Variants in ACSS3 observed in about 807,000 individuals in gnomAD.
ACSS3 encodes the protein acyl-CoA synthetase short-chain family member 3, mitochondrial.
In ACSS3, 64 loss-of-function variants were observed where a neutral mutation model predicts 84.2. The observed-to-expected ratio is 0.76, with a 90% confidence interval of 0.62 to 0.94. The LOEUF is 0.94. Ranked by LOEUF, ACSS3 falls within the 40% of genes least tolerant of loss-of-function variation. The probability of loss-of-function intolerance (pLI) is 0.00; values close to 1 mark genes in which losing one functional copy is unlikely to be tolerated. For missense variants in ACSS3, 815 were observed against 867.6 expected, an observed-to-expected ratio of 0.94 and a Z score of 0.76; for synonymous variants, 317 against 310.1, an observed-to-expected ratio of 1.02 and a Z score of -0.23.
chr12:81,213,985 TTCTTTCTTTCTTTCTTTCTTTCATCTG>T (rs2032797147), intron 9 of ACSS3, among the ~76,000 whole-genome samples: 2 of 40,740 alleles, frequency 4.9e-5, no homozygotes, highest in Non-Finnish European at 8.4e-5. Flanking sequence ...CTTTCTTTCT[TTCTTTCTTTCTTTCTTTCTTTCATCTG>T]TCTGTCTGTC....
chr12:81,241,314 A>G (rs2033796113), intron 13 of ACSS3, among the ~76,000 whole-genome samples: 1 of 152,074 alleles, frequency 6.6e-6, no homozygotes, highest in African/African-American at 2.4e-5. Flanking sequence ...ATGTGTCTTT[A>G]TAGCAGCATG....
At chr12:81,237,804 C>T (rs1334634544) in intron 13 of ACSS3, among the ~76,000 whole-genome samples, 1 of 151,698 alleles carries the variant, frequency 6.6e-6, no homozygotes, top group Non-Finnish European at 1.5e-5. Flanking sequence ...CTTTCTCAGT[C>T]TGTATACCTT....
At chr12:81,241,710 G>C (rs369948381) in intron 13 of ACSS3, among the ~76,000 whole-genome samples, 109 of 151,984 alleles carry the variant, frequency 7.2e-4, no homozygotes, top group African/African-American at 2.6e-3. Flanking sequence ...AAATTTGTTT[G>C]AGTTCATTGT....
rs751089422 is a variant in ACSS3, at chr12:81,253,810, A to G, written c.1995+140A>G. The G allele has an allele frequency of 2.4e-4, 201 of 852,486 alleles. 1 individual carries two copies. The highest frequency in any genetic ancestry group is 2.0e-4 in the Non-Finnish European group (116 of 568,972). 52.8% of individuals were successfully genotyped at this position (852,486 alleles called of 1,614,324 possible). A position where few individuals can be genotyped will look rare whatever the true frequency, so the allele number is the denominator to read the frequency against. ...CATAATAGTACTATTTTTTAATGTT[A>G]AGGGAGAGATTATATAGCCATTCCT... On this transcript the variant is annotated intron_variant, in intron 15 of 15. Transcript: ENST00000548058.
intron 7 of ACSS3, among the ~76,000 whole-genome samples, chr12:81,156,541 A>G (rs1448282602): frequency 6.6e-6 from 1 of 152,176 alleles, no homozygotes; most frequent in Non-Finnish European, 1.5e-5. Flanking sequence ...GAAATGGACA[A>G]ACCTCTACAA....
At chr12:81,237,327 C>A (rs971609656) in intron 13 of ACSS3, among the ~76,000 whole-genome samples, 1 of 151,484 alleles carries the variant, frequency 6.6e-6, no homozygotes, top group African/African-American at 2.4e-5. Context: ...TTAGGCAAAT[C>A]ACTATAGGTC....
At chr12:81,189,113 A>G (rs560616946) in intron 8 of ACSS3, among the ~76,000 whole-genome samples, 2 of 152,022 alleles carry the variant, frequency 1.3e-5, no homozygotes, top group African/African-American at 2.4e-5. Flanking sequence ...CCACCATTCT[A>G]TTCTCTATCA....
At chr12:81,090,272 ATCTTGTTTTCTTT>A (rs1338756269) in intron 1 of ACSS3, among the ~76,000 whole-genome samples, 4 of 151,916 alleles carry the variant, frequency 2.6e-5, no homozygotes, top group Non-Finnish European at 5.9e-5. Context: ...AAGCATTTCA[ATCTTGTTTTCTTT>A]TAAGCAAATT....
At chr12:81,129,158 A>G (rs1284602405) in intron 2 of ACSS3, among the ~76,000 whole-genome samples, 6 of 152,264 alleles carry the variant, frequency 3.9e-5, no homozygotes, top group Non-Finnish European at 4.4e-5. Context: ...GCCTCATTTA[A>G]CTAAAAATTG....
chr12:81,133,012 G>T (rs947685247), intron 2 of ACSS3, among the ~76,000 whole-genome samples: 3 of 151,664 alleles, frequency 2.0e-5, no homozygotes, highest in South Asian at 2.1e-4. Flanking sequence ...TTATTACTTT[G>T]GTGTATCTTT....
intron 9 of ACSS3, among the ~76,000 whole-genome samples, chr12:81,214,348 C>T (rs1482454485): frequency 1.3e-5 from 2 of 152,054 alleles, no homozygotes. Context: ...TTTTCTAATC[C>T]TTTGAATGAA....
intron 13 of ACSS3, among the ~76,000 whole-genome samples, chr12:81,252,767 T>A (rs557491742): frequency 6.6e-5 from 10 of 152,252 alleles, no homozygotes; most frequent in South Asian, 2.1e-4. Context: ...CTTCTCTCCA[T>A]ATCCAGCCTC....
intron 9 of ACSS3, among the ~76,000 whole-genome samples, chr12:81,205,088 TG>T (rs904022641): frequency 7.9e-5 from 12 of 152,172 alleles, no homozygotes; most frequent in African/African-American, 2.9e-4. Flanking sequence ...TAATTGTAAC[TG>T]CAGTTCTGAA....
intron 11 of ACSS3, among the ~76,000 whole-genome samples, chr12:81,224,585 T>C (rs1008669074): frequency 1.3e-5 from 2 of 151,584 alleles, no homozygotes; most frequent in East Asian, 1.9e-4. Flanking sequence ...TGTGTGTGTG[T>C]GTGTGTGTGT....
rs1265742437 is a variant in ACSS3 at position 81,256,618 on chromosome 12, T to A, written c.*1696T>A. On this transcript the variant is annotated 3_prime_UTR_variant, in exon 16 of 16. Transcript: ENST00000548058. ...GATTGTTGTAACATAATACTCAGGA[T>A]ACATGAAATGTATGTGAGAGATAAA... The A allele has an allele frequency of 2.0e-5, 3 of 152,178 alleles. No individual in the cohort carries two copies. The highest frequency in any genetic ancestry group is 6.5e-5 in the Admixed American group (1 of 15,268). The allele number at this position is 152,178 out of a possible 1,614,324, so 9.4% of individuals were successfully genotyped here.
intron 1 of ACSS3, among the ~76,000 whole-genome samples, chr12:81,103,312 G>A (rs1194933239): frequency 6.6e-6 from 1 of 152,128 alleles, no homozygotes; most frequent in African/African-American, 2.4e-5. Context: ...TTTACAGTGA[G>A]CATTAGTTAC....
intron 7 of ACSS3, among the ~76,000 whole-genome samples, chr12:81,168,627 T>C (rs1425905263): frequency 6.6e-6 from 1 of 152,178 alleles, no homozygotes; most frequent in Non-Finnish European, 1.5e-5. Context: ...AGGTCAGTTG[T>C]ACTCAGGGTG....
chr12:81,248,072 A>G (rs1182618796), intron 13 of ACSS3, among the ~76,000 whole-genome samples: 2 of 152,088 alleles, frequency 1.3e-5, no homozygotes, highest in African/African-American at 2.4e-5. Context: ...GCTTGCAAGG[A>G]TGTAGAGAAA....
At position 81,259,201 on chromosome 12, in the gene ACSS3, T is replaced by G. The variant is rs2136045208; in HGVS notation, c.*4279T>G. The G allele has an allele frequency of 4.3e-6, 1 of 229,934 alleles. No homozygotes were observed. The highest frequency in any genetic ancestry group is 2.4e-5 in the African/African-American group (1 of 42,448). 14.2% of individuals were successfully genotyped at this position (229,934 alleles called of 1,614,324 possible). A position where few individuals can be genotyped will look rare whatever the true frequency, so the allele number is the denominator to read the frequency against. On this transcript the variant is annotated 3_prime_UTR_variant, in exon 16 of 16. Coordinates refer to ENST00000548058, the MANE Select transcript of ACSS3 (RefSeq NM_024560.4). Reference sequence around the variant, plus strand: ...ATTTGACTATTAACAATCCAAAAACTGTAAAAATGGTGGAATGGTAAAATA... The same window carrying G: ...ATTTGACTATTAACAATCCAAAAACGGTAAAAATGGTGGAATGGTAAAATA...
Sources: gnomAD v4.1 joint callset for allele counts (sites outside exome capture counted in the v4.1 genomes callset) on GRCh38, gnomAD v4.1.1 for gene constraint, MANE v1.5 for transcripts, NCBI Gene and HGNC (gene_info 2026-07-23, HGNC 2026-07-21) for gene names.